The following ASIC2 variants were observed in gnomAD, a reference collection of about 807,000 sequenced individuals.
ASIC2 encodes acid sensing ion channel subunit 2.
ASIC2 carries 25 observed loss-of-function variants against 57.3 expected under a neutral mutation model. The ratio of observed to expected loss-of-function variants is 0.44; its 90% CI spans 0.32 to 0.61. The LOEUF (loss-of-function observed/expected upper bound fraction) is 0.61. Among genes scored for constraint, ASIC2 ranks in the 20% least tolerant of loss-of-function variants. ASIC2 has a pLI of 0.06. For missense variants in ASIC2, 641 were observed against 738.1 expected (o/e 0.87, Z 1.52); for synonymous variants, 319 against 307.5 (o/e 1.04, Z -0.39).
chr17:34,085,276 T>C (rs906498433), intron 1 of ASIC2, among the ~76,000 whole-genome samples: 13 of 152,342 alleles, frequency 8.5e-5, no homozygotes, highest in African/African-American at 3.1e-4. Flanking sequence ...AAAGGCCTTT[T>C]CTGCATCTAT....
intron 1 of ASIC2, among the ~76,000 whole-genome samples, chr17:33,803,555 G>A (rs572052403): frequency 3.5e-4 from 52 of 149,322 alleles, no homozygotes; most frequent in African/African-American, 1.3e-3. Context: ...GGAAATGAAA[G>A]CCCTGGTTAA....
intron 1 of ASIC2, among the ~76,000 whole-genome samples, chr17:33,564,334 C>T (rs1916166831): frequency 6.6e-6 from 1 of 152,204 alleles, no homozygotes; most frequent in Non-Finnish European, 1.5e-5. Flanking sequence ...CGTTAATCCA[C>T]CGGTCAGTTT....
chr17:33,462,496 G>T (rs1255779311), intron 1 of ASIC2, among the ~76,000 whole-genome samples: 1 of 152,150 alleles, frequency 6.6e-6, no homozygotes, highest in Non-Finnish European at 1.5e-5. Flanking sequence ...ACAAGGAAAT[G>T]GGGCCCCAGG....
intron 1 of ASIC2, among the ~76,000 whole-genome samples, chr17:33,993,009 C>G (rs971444044): frequency 6.6e-6 from 1 of 152,174 alleles, no homozygotes; most frequent in Non-Finnish European, 1.5e-5. Flanking sequence ...GTCCACAGCT[C>G]AATCCTGAAG....
intron 1 of ASIC2, among the ~76,000 whole-genome samples, chr17:33,422,572 A>G (rs1170227656): frequency 1.3e-5 from 2 of 152,160 alleles, no homozygotes; most frequent in Non-Finnish European, 2.9e-5. Flanking sequence ...GTGCTCCAGT[A>G]GAGTCTCTCC....
intron 1 of ASIC2, among the ~76,000 whole-genome samples, chr17:33,709,355 CAG>C (rs1423100264): frequency 2.0e-5 from 3 of 152,242 alleles, no homozygotes; most frequent in Admixed American, 2.0e-4. Context: ...AGGAACTTTT[CAG>C]ATGTGTTAAA....
Position 33,486,733 on chromosome 17 carries a change from G to A in ASIC2, c.556-374666C>T, listed in dbSNP as rs1913587139. 2.0e-5 allele frequency among the ~76,000 whole-genome samples: 3 copies of A among 152,234 alleles called. No individual in the cohort carries two copies. The South Asian group carries it at 6.2e-4, about 32-fold the overall frequency. On this transcript the variant is annotated intron_variant, in intron 1 of 9. Coordinates refer to the ASIC2 transcript ENST00000359872. ...GGTTGACCTGTGGGCCTTGGACACT[G>A]ACTTCTTAGTGCCTTGAGCAGTGAC...
intron 1 of ASIC2, among the ~76,000 whole-genome samples, chr17:33,940,678 G>A (rs1916169784): frequency 6.6e-6 from 1 of 152,198 alleles, no homozygotes; most frequent in African/African-American, 2.4e-5. Context: ...TCCTAGCAGG[G>A]GACATAGTTA....
chr17:33,769,083 A>G (rs1198057069), intron 1 of ASIC2, among the ~76,000 whole-genome samples: 1 of 152,216 alleles, frequency 6.6e-6, no homozygotes, highest in African/African-American at 2.4e-5. Context: ...CTCGGGACTC[A>G]CTGAGTGTGG....
intron 1 of ASIC2, among the ~76,000 whole-genome samples, chr17:33,627,559 C>T (rs905775034): frequency 1.1e-4 from 16 of 152,262 alleles, no homozygotes; most frequent in African/African-American, 3.4e-4. Flanking sequence ...AGCCTTGGGG[C>T]GGTGGTAGCA....
chr17:33,171,411 G>C (rs1459821277), intron 1 of ASIC2, among the ~76,000 whole-genome samples: 1 of 152,180 alleles, frequency 6.6e-6, no homozygotes, highest in African/African-American at 2.4e-5. Flanking sequence ...ACAGAATGGA[G>C]CCATCACACA....
At chr17:33,199,333 C>T (rs1215748428) in intron 1 of ASIC2, among the ~76,000 whole-genome samples, 1 of 152,218 alleles carries the variant, frequency 6.6e-6, no homozygotes, top group Admixed American at 6.5e-5. Context: ...ACTTAGCCAA[C>T]TTGTTTAATC....
At chr17:33,524,927 A>G (rs1914843317) in intron 1 of ASIC2, among the ~76,000 whole-genome samples, 1 of 152,158 alleles carries the variant, frequency 6.6e-6, no homozygotes, top group Non-Finnish European at 1.5e-5. Context: ...GAGTGTAGAC[A>G]GTGCCTAGGG....
At chr17:33,220,977 T>A (rs373692866) in intron 1 of ASIC2, among the ~76,000 whole-genome samples, 183 of 151,944 alleles carry the variant, frequency 1.2e-3, no homozygotes, top group African/African-American at 4.0e-3. Flanking sequence ...GAGGCTGAGG[T>A]AGGAGGATCA....
At chr17:33,848,151 A>T (rs1050871572) in intron 1 of ASIC2, among the ~76,000 whole-genome samples, 2 of 152,130 alleles carry the variant, frequency 1.3e-5, no homozygotes, top group Admixed American at 1.3e-4. Context: ...TGGTCAAGGC[A>T]ACCAGAAGGG....
chr17:33,571,844 A>G (rs1453853645), intron 1 of ASIC2: 7 of 152,150 alleles, frequency 4.6e-5, no homozygotes, highest in African/African-American at 1.7e-4. Flanking sequence ...AAGAGCAAAA[A>G]CCCTGCCACC....
chr17:33,669,614 C>A (rs1234306704), intron 1 of ASIC2, among the ~76,000 whole-genome samples: 2 of 152,162 alleles, frequency 1.3e-5, no homozygotes, highest in Non-Finnish European at 2.9e-5. Flanking sequence ...GTGTTAACCC[C>A]CTGCCCCCAA....
At chr17:33,726,567 A>G (rs1022999152) in intron 1 of ASIC2, among the ~76,000 whole-genome samples, 15 of 152,204 alleles carry the variant, frequency 9.9e-5, no homozygotes, top group Admixed American at 7.9e-4. Context: ...TCATGAAGCC[A>G]GGCTAGGGAG....
intron 1 of ASIC2, among the ~76,000 whole-genome samples, chr17:33,797,385 C>T (rs76619805): frequency 0.07 from 10,640 of 152,060 alleles, 421 homozygotes; most frequent in East Asian, 0.19. Context: ...AATCCCTTGG[C>T]GGCACTGTGA....
Sources: gnomAD v4.1 joint callset for allele counts (sites outside exome capture counted in the v4.1 genomes callset) on GRCh38, gnomAD v4.1.1 for gene constraint, MANE v1.5 for transcripts, NCBI Gene and HGNC (gene_info 2026-07-23, HGNC 2026-07-21) for gene names.